Variants in HSPA12A observed in about 807,000 individuals in gnomAD.
The protein encoded by HSPA12A is heat shock protein family A (Hsp70) member 12A.
HSPA12A carries 28 observed loss-of-function variants against 69.2 expected under a neutral mutation model. That is an observed-to-expected ratio of 0.40 (90% confidence interval 0.30 to 0.55). The LOEUF is 0.55. Among genes scored for constraint, HSPA12A ranks in the 20% least tolerant of loss-of-function variants. The pLI, the probability that HSPA12A is intolerant of heterozygous loss-of-function variation, is 0.38. For missense variants in HSPA12A, 686 were observed against 900.7 expected (o/e 0.76, Z 3.05); for synonymous variants, 345 against 370.5 (o/e 0.93, Z 0.79).
Position 116,742,494 on chromosome 10 carries a change from G to A in HSPA12A, c.-25C>T, listed in dbSNP as rs1158657146. 1.7e-5 allele frequency: 23 copies of A among 1,330,266 alleles called. No individual in the cohort carries two copies. Among genetic ancestry groups the A allele is most frequent in the Admixed American group, 1.4e-4 (4 of 28,704 alleles). The allele number at this position is 1,330,266 out of a possible 1,614,324, so 82.4% of individuals were successfully genotyped here. A position where few individuals can be genotyped will look rare whatever the true frequency, so the allele number is the denominator to read the frequency against. ...TGGTCGCGCAGCCCCGGACCGCGAG[G>A]GGAGCCTCCAGCGCAGCGCCCGTGC... On this transcript the variant is annotated 5_prime_UTR_variant, in exon 1 of 12. Transcript: ENST00000369209.
At chr10:116,798,306 G>A (rs910638782) in intron 2 of HSPA12A, among the ~76,000 whole-genome samples, 7 of 152,162 alleles carry the variant, frequency 4.6e-5, no homozygotes, top group Non-Finnish European at 8.8e-5. Flanking sequence ...TTTGCCCAGG[G>A]TGGAGGGAGC....
At chr10:116,821,183 G>A (rs780606322) in intron 2 of HSPA12A, among the ~76,000 whole-genome samples, 52 of 152,134 alleles carry the variant, frequency 3.4e-4, no homozygotes, top group Non-Finnish European at 5.7e-4. Context: ...ATGTAAGATC[G>A]TGTCACTCTC....
upstream of HSPA12A, among the ~76,000 whole-genome samples, chr10:116,743,993 C>A (rs114199927): frequency 5.9e-3 from 900 of 152,338 alleles, 5 homozygotes; most frequent in African/African-American, 0.02. Flanking sequence ...GGATCTAGCA[C>A]ATGGTAAAAA....
At chr10:116,825,181 T>C (rs1435109950) in intron 2 of HSPA12A, among the ~76,000 whole-genome samples, 1 of 132,052 alleles carries the variant, frequency 7.6e-6, no homozygotes, top group African/African-American at 2.6e-5. Flanking sequence ...GGTGAGACCT[T>C]GTCTCAAAAA....
At chr10:116,683,416 C>T (rs781896170) in intron 7 of HSPA12A, 2 of 160,472 alleles carry the variant, frequency 1.2e-5, no homozygotes, top group Admixed American at 6.4e-5. Flanking sequence ...AATAAATCAA[C>T]AGTCTTAATG....
At chr10:116,733,886 C>T (rs569615909) in intron 1 of HSPA12A, among the ~76,000 whole-genome samples, 8 of 152,226 alleles carry the variant, frequency 5.3e-5, no homozygotes, top group East Asian at 1.9e-4. Flanking sequence ...TTTATAGGGA[C>T]GTAACCCTAT....
chr10:116,770,402 G>A (rs558258079), intron 2 of HSPA12A, among the ~76,000 whole-genome samples: 4 of 152,336 alleles, frequency 2.6e-5, no homozygotes, highest in South Asian at 4.1e-4. Context: ...GTGAAGGGGC[G>A]GATCAGAGGC....
chr10:116,746,828 A>C (rs1554887858), upstream of HSPA12A, among the ~76,000 whole-genome samples: 1 of 152,122 alleles, frequency 6.6e-6, no homozygotes, highest in African/African-American at 2.4e-5. Flanking sequence ...TTTTTCTTTT[A>C]TGTTTTTGTT....
intron 2 of HSPA12A, among the ~76,000 whole-genome samples, chr10:116,757,834 G>C (rs1401991149): frequency 6.6e-6 from 1 of 152,180 alleles, no homozygotes; most frequent in African/African-American, 2.4e-5. Flanking sequence ...TAGAGACTGA[G>C]CGACCTATTA....
At chr10:116,682,502 C>A (rs930486975) in intron 7 of HSPA12A, among the ~76,000 whole-genome samples, 3 of 151,294 alleles carry the variant, frequency 2.0e-5, no homozygotes, top group African/African-American at 4.9e-5. Context: ...ATATGCATTG[C>A]GGCCACAAGG....
At chr10:116,734,247 T>C (rs1638418) in intron 1 of HSPA12A, among the ~76,000 whole-genome samples, 101,046 of 151,516 alleles carry the variant, frequency 0.67, 34,645 homozygotes, top group Middle Eastern at 0.86. Flanking sequence ...ACAGGCAGTT[T>C]GAGACCCGCC....
At chr10:116,729,394 C>T (rs1851083687) in intron 1 of HSPA12A, among the ~76,000 whole-genome samples, 1 of 152,124 alleles carries the variant, frequency 6.6e-6, no homozygotes, top group South Asian at 2.1e-4. Flanking sequence ...AAAATCCTCC[C>T]GAGTTGGAAA....
intron 2 of HSPA12A, among the ~76,000 whole-genome samples, chr10:116,804,492 G>A (rs961137414): frequency 6.6e-5 from 10 of 151,848 alleles, no homozygotes; most frequent in African/African-American, 2.2e-4. Flanking sequence ...TGAGATTCTC[G>A]GCCAACTCCA....
At chr10:116,744,349 G>A (rs1851600824), upstream of HSPA12A, among the ~76,000 whole-genome samples, 1 of 152,198 alleles carries the variant, frequency 6.6e-6, no homozygotes, top group Non-Finnish European at 1.5e-5. Context: ...GGCCAGGGGG[G>A]CCCTCCTCAG....
At chr10:116,717,099 G>A (rs1850630341) in intron 1 of HSPA12A, among the ~76,000 whole-genome samples, 2 of 152,114 alleles carry the variant, frequency 1.3e-5, no homozygotes, top group Non-Finnish European at 2.9e-5. Flanking sequence ...GTATCTCATG[G>A]GGACCTGCCC....
rs146099611 is a variant in HSPA12A, at chr10:116,840,889, A to G, written c.4-5867T>C. On this transcript the variant is annotated intron_variant, in intron 1 of 12. Transcript: ENST00000635765. Reference sequence around the variant, plus strand: ...AAATCAATCAGTTGTTCATTGATCAACTCCAATTTTCACAACAATCTAACA... The same window carrying G: ...AAATCAATCAGTTGTTCATTGATCAGCTCCAATTTTCACAACAATCTAACA... Among the ~76,000 whole-genome samples the G allele has an allele frequency of 3.1e-4, 47 of 152,272 alleles. No individual in the cohort carries two copies. The East Asian group carries it at 8.3e-3, about 27-fold the overall frequency.
chr10:116,842,283 A>AT (rs891371092), intron 1 of HSPA12A, among the ~76,000 whole-genome samples: 13 of 152,116 alleles, frequency 8.5e-5, no homozygotes, highest in Non-Finnish European at 1.8e-4. Flanking sequence ...CAGAGAAAAC[A>AT]TTTTTTTGCC....
At chr10:116,837,988 A>C (rs1157877250) in intron 1 of HSPA12A, among the ~76,000 whole-genome samples, 1 of 152,148 alleles carries the variant, frequency 6.6e-6, no homozygotes, top group African/African-American at 2.4e-5. Context: ...GTTTAATTTG[A>C]TAATATAGAA....
intron 1 of HSPA12A, among the ~76,000 whole-genome samples, chr10:116,721,381 G>C (rs919950363): frequency 7.9e-5 from 12 of 152,158 alleles, no homozygotes; most frequent in African/African-American, 2.7e-4. Context: ...ACAGAGCACA[G>C]GATCCAGAGG....
Sources: allele counts gnomAD v4.1 joint callset (sites outside exome capture counted in the v4.1 genomes callset), GRCh38; gene constraint gnomAD v4.1.1; transcripts MANE v1.5; gene names NCBI Gene and HGNC (gene_info 2026-07-23, HGNC 2026-07-21).